RHOBTB2: variants seen among roughly 807,000 people sequenced by gnomAD.
The protein encoded by RHOBTB2 is Rho related BTB domain containing 2, also known as rho-related BTB domain-containing protein 2.
A neutral mutation model predicts 66.5 loss-of-function variants in RHOBTB2; 39 were observed. That is an observed-to-expected ratio of 0.59 (90% CI 0.45 to 0.77). RHOBTB2 has a LOEUF of 0.77. Ranked by LOEUF, RHOBTB2 falls within the 30% of genes least tolerant of loss-of-function variation. The pLI is 0.00. For synonymous variants in RHOBTB2, 390 were observed against 395.0 expected, an observed-to-expected ratio of 0.99 and a Z score of 0.15; for missense variants, 755 against 999.1, an observed-to-expected ratio of 0.76 and a Z score of 3.29.
chr8:22,987,537 A>C (rs1415552689), exon 1 of RHOBTB2: 1 of 152,376 alleles, frequency 6.6e-6, no homozygotes, highest in Non-Finnish European at 1.5e-5. Context: ...GTGACAGGCC[A>C]GCAGAGCCCC....
the RHOBTB2 span, among the ~76,000 whole-genome samples, chr8:22,970,331 C>G: frequency 2.6e-5 from 4 of 152,080 alleles, no homozygotes; most frequent in African/African-American, 9.7e-5. Flanking sequence ...ACCCATTCAC[C>G]GGGGGGAGCC....
At chr8:22,989,664 G>T (rs1810376269) in intron 1 of RHOBTB2, among the ~76,000 whole-genome samples, 1 of 152,206 alleles carries the variant, frequency 6.6e-6, no homozygotes, top group African/African-American at 2.4e-5. Context: ...GAAACTGAAG[G>T]CCAGAGGTAA....
At chr8:22,971,750 C>T in the RHOBTB2 span, among the ~76,000 whole-genome samples, 1 of 152,174 alleles carries the variant, frequency 6.6e-6, no homozygotes, top group Admixed American at 6.5e-5. Flanking sequence ...GCCAGTCTAT[C>T]CTTTGAATGT....
At chr8:22,986,799 T>C (rs1182652247), upstream of RHOBTB2, among the ~76,000 whole-genome samples, 1 of 152,218 alleles carries the variant, frequency 6.6e-6, no homozygotes, top group African/African-American at 2.4e-5. Flanking sequence ...AGAAGCATAA[T>C]GGCCAGTCTA....
At position 23,015,715 on chromosome 8, in the gene RHOBTB2, C is replaced by T. The variant is rs758277530; in HGVS notation, c.1938C>T (p.Phe646=). ...ACTACAACAACGTGTGCCGCAAGTTCCCCCGAGACATGAAGGCCATGTCCC... is the reference window on the plus strand; with the variant it reads ...ACTACAACAACGTGTGCCGCAAGTTTCCCCGAGACATGAAGGCCATGTCCC... ...CTNYNNVCRK[F]PRDMKAMSPE... is the part of the protein sequence containing the mutation. The change falls in exon 9 of 10, where the codon TTC becomes TTT. Residue 646 remains phenylalanine (F), a synonymous_variant. Coordinates refer to ENST00000251822, the MANE Select transcript of RHOBTB2 (RefSeq NM_015178.3). 1.4e-5 allele frequency: 23 copies of T among 1,613,542 alleles called. No homozygotes were observed. The South Asian group carries it at 2.4e-4, about 17-fold the overall frequency.
intron 1 of RHOBTB2, among the ~76,000 whole-genome samples, chr8:23,002,142 G>C (rs961223281): frequency 1.2e-4 from 18 of 152,350 alleles, no homozygotes; most frequent in African/African-American, 4.3e-4. Context: ...CATGCTGGGA[G>C]AATCGGAACT....
In RHOBTB2 at chr8:23,006,869, C is replaced by T. The variant is rs1227185317; in HGVS notation, c.624C>T (p.Leu208=). The T allele has an allele frequency of 2.5e-6, 4 of 1,614,150 alleles. No individual in the cohort carries two copies. ...TTGACAACGCCATCCGAGCTGCACT[C>T]ATCTCCCGCCGCCACCTGCAGTTCT... ...DVFDNAIRAA[L]ISRRHLQFWK... The change falls in exon 5 of 10, where the codon CTC becomes CTT. Residue 208 remains leucine, a synonymous_variant. Transcript: ENST00000251822. The surrounding 1 kb of genome is among the most constrained non-coding windows in gnomAD (Gnocchi z 6.1).
At chr8:22,963,596 C>T in the RHOBTB2 span, among the ~76,000 whole-genome samples, 1 of 151,870 alleles carries the variant, frequency 6.6e-6, no homozygotes, top group East Asian at 1.9e-4. Flanking sequence ...TAAAGACATA[C>T]CCAAGACTGA....
chr8:22,965,420 A>AT, the RHOBTB2 span, among the ~76,000 whole-genome samples: 61,712 of 151,744 alleles, frequency 0.41, 13,852 homozygotes, highest in East Asian at 0.59. Context: ...TTGCAGAAAT[A>AT]GAAAAAAAAT....
At chr8:22,971,090 C>T in the RHOBTB2 span, among the ~76,000 whole-genome samples, 1 of 152,154 alleles carries the variant, frequency 6.6e-6, no homozygotes, top group African/African-American at 2.4e-5. Flanking sequence ...AGCCATTTCC[C>T]CTTGAGTCTA....
chr8:22,989,831 G>A (rs1429706331), intron 1 of RHOBTB2, among the ~76,000 whole-genome samples: 1 of 152,186 alleles, frequency 6.6e-6, no homozygotes, highest in Non-Finnish European at 1.5e-5. Context: ...GGGCTGTGCT[G>A]TGCGTCTGTC....
chr8:22,960,001 TA>T, the RHOBTB2 span, among the ~76,000 whole-genome samples: 25,297 of 104,592 alleles, frequency 0.24, 2,973 homozygotes, highest in East Asian at 0.4. Context: ...CCATCTCTAC[TA>T]AAAAAAAAAA....
At chr8:22,954,804 C>CTA in the RHOBTB2 span, among the ~76,000 whole-genome samples, 6 of 152,144 alleles carry the variant, frequency 3.9e-5, no homozygotes, top group African/African-American at 1.4e-4. Flanking sequence ...ATAGATTTGA[C>CTA]TATATCTAAA....
the RHOBTB2 span, among the ~76,000 whole-genome samples, chr8:22,963,176 G>A: frequency 6.6e-6 from 1 of 152,206 alleles, no homozygotes. Context: ...AGAAAGATGA[G>A]AAAGCCTCTT....
In RHOBTB2 at chr8:23,007,487, G is replaced by A. The variant is rs1811005408; in HGVS notation, c.1242G>A (p.Val414=). The A allele has an allele frequency of 1.2e-6, 2 of 1,614,204 alleles. No homozygotes were observed. The highest frequency in any genetic ancestry group is 8.5e-7 in the Non-Finnish European group (1 of 1,180,020). ...CCTACAAATCCCGGCTGATGGTGGT[G>A]GTGAAGATGGACAGTTCCATCCAGC... ...PLTYKSRLMV[V]VKMDSSIQPG... Residue 414 remains valine (V), a synonymous_variant, in exon 5 of 10, where the codon GTG becomes GTA. Transcript: ENST00000251822.
At chr8:22,955,335 A>C in the RHOBTB2 span, among the ~76,000 whole-genome samples, 1 of 152,148 alleles carries the variant, frequency 6.6e-6, no homozygotes, top group East Asian at 1.9e-4. Flanking sequence ...CTTTCGGAAG[A>C]GCACTTGCAT....
upstream of RHOBTB2, among the ~76,000 whole-genome samples, chr8:22,982,851 A>C (rs1810232920): frequency 6.6e-6 from 1 of 152,224 alleles, no homozygotes; most frequent in Admixed American, 6.5e-5. Flanking sequence ...CAGCTGACTC[A>C]GTGTCGGGTG....
At chr8:22,998,452 G>T (rs1477809443), upstream of RHOBTB2, among the ~76,000 whole-genome samples, 1 of 152,120 alleles carries the variant, frequency 6.6e-6, no homozygotes, top group African/African-American at 2.4e-5. Context: ...AGATCATCCT[G>T]GCTGGGCATG....
chr8:22,977,621 T>C, the RHOBTB2 span, among the ~76,000 whole-genome samples: 9 of 151,088 alleles, frequency 6.0e-5, no homozygotes, highest in Admixed American at 2.0e-4. Context: ...AAGAAGCTCC[T>C]TGATCACTGA....
Sources: allele counts gnomAD v4.1 joint callset (sites outside exome capture counted in the v4.1 genomes callset), GRCh38; gene constraint gnomAD v4.1.1; non-coding constraint Gnocchi (gnomAD v3.1); transcripts MANE v1.5; gene names NCBI Gene and HGNC (gene_info 2026-07-23, HGNC 2026-07-21).